FRMD8: variants seen among roughly 807,000 people sequenced by gnomAD.
FRMD8 encodes the protein FERM domain-containing protein 8.
In FRMD8, 37 loss-of-function variants were observed where a neutral mutation model predicts 54.2. That is an observed-to-expected ratio of 0.68 (90% CI 0.53 to 0.90). The LOEUF (loss-of-function observed/expected upper bound fraction) is 0.90, where lower values mean the gene tolerates loss of function less well. Among genes scored for constraint, FRMD8 ranks in the 40% least tolerant of loss-of-function variants. FRMD8 has a pLI of 0.00. For missense variants in FRMD8, 585 were observed against 653.7 expected, an observed-to-expected ratio of 0.89 and a Z score of 1.15; for synonymous variants, 246 against 286.9, an observed-to-expected ratio of 0.86 and a Z score of 1.44.
At chr11:65,386,871 C>T (rs1855742728) in intron 1 of FRMD8, 110 bp downstream of exon 1, 2 of 648,360 alleles carry the variant, frequency 3.1e-6, no homozygotes, top group East Asian at 2.7e-5. Flanking sequence ...GCAACCCGCA[C>T]CCCTCCCACC....
rs547958948 is a variant in FRMD8, at chr11:65,407,697, T to C, written c.1276+2629T>C. On this transcript the variant is annotated intron_variant, in intron 10 of 10. Transcript: ENST00000317568. ...CGAGGTCAGGAGATCGAGACCATCC[T>C]GGCTAACAGGTGAAACCCTGTCTCT... Among the ~76,000 whole-genome samples the C allele has an allele frequency of 1.2e-3, 181 of 151,924 alleles. 2 individuals are homozygous for C. In the Middle Eastern group the frequency reaches 0.024, roughly 20 times the overall value.
intron 3 of FRMD8, among the ~76,000 whole-genome samples, chr11:65,391,758 G>A (rs540212113): frequency 7.2e-5 from 11 of 152,218 alleles, no homozygotes; most frequent in South Asian, 4.1e-4. Flanking sequence ...TGATCCACCC[G>A]CCTCAGCCTC....
intron 6 of FRMD8, among the ~76,000 whole-genome samples, chr11:65,395,893 T>C (rs1180055005): frequency 1.3e-5 from 2 of 152,050 alleles, no homozygotes; most frequent in Non-Finnish European, 2.9e-5. Flanking sequence ...AGGTGGGGGC[T>C]CTTTGTTCGG....
rs1320279078 is a variant in FRMD8, at chr11:65,387,091, C to A, written c.55C>A (p.Arg19=). 1 of 1,607,982 alleles carries A rather than the reference C, an allele frequency of 6.2e-7. No individual in the cohort carries two copies. Among genetic ancestry groups the A allele is most frequent in the Admixed American group, 1.7e-5 (1 of 60,024 alleles). Residue 19 remains arginine, a synonymous_variant, in exon 2 of 11, where the codon CGA becomes AGA. Transcript: ENST00000317568. ...GCCCGGCCCCGCTGAGCGATCCCAC[C>A]GAAGCAGCGTGTCCTCCGTGGGAGC... is the stretch of plus-strand genomic sequence containing the variant. ...GQPGPAERSH[R]SSVSSVGARA...
chr11:65,406,464 G>C (rs1856199730), intron 10 of FRMD8, among the ~76,000 whole-genome samples: 1 of 151,692 alleles, frequency 6.6e-6, no homozygotes, highest in Admixed American at 6.6e-5. Context: ...AAAGTGCTGG[G>C]ATTACAGGTG....
chr11:65,371,358 A>G, the FRMD8 span, among the ~76,000 whole-genome samples: 1 of 152,124 alleles, frequency 6.6e-6, no homozygotes, highest in Non-Finnish European at 1.5e-5. Flanking sequence ...CTAAAAAAAG[A>G]AGTATGACGC....
intron 3 of FRMD8, among the ~76,000 whole-genome samples, chr11:65,390,657 C>T (rs984101360): frequency 1.3e-5 from 2 of 152,252 alleles, no homozygotes; most frequent in East Asian, 3.9e-4. Context: ...CACCTCATGC[C>T]CAGCCTGGTC....
the FRMD8 span, chr11:65,376,514 C>T: frequency 3.1e-6 from 5 of 1,614,100 alleles, no homozygotes; most frequent in Admixed American, 1.7e-5. Flanking sequence ...ACTCCCAGTC[C>T]TTCCTGCCGG....
At chr11:65,406,295 C>T (rs1298547052) in intron 10 of FRMD8, among the ~76,000 whole-genome samples, 4 of 151,532 alleles carry the variant, frequency 2.6e-5, no homozygotes, top group Middle Eastern at 3.4e-3. Context: ...CCTGGGTTCA[C>T]GCCATTCTCC....
the FRMD8 span, chr11:65,376,903 C>T: frequency 2.5e-6 from 4 of 1,613,424 alleles, no homozygotes; most frequent in East Asian, 2.2e-5. Context: ...TGTCCCTCAG[C>T]GTCAGGGCCC....
intron 6 of FRMD8, among the ~76,000 whole-genome samples, chr11:65,395,297 C>G (rs1377543169): frequency 6.6e-6 from 1 of 151,690 alleles, no homozygotes; most frequent in Admixed American, 6.6e-5. Context: ...AATCCCAACA[C>G]TTTGGGAGGC....
At chr11:65,368,508 G>A in the FRMD8 span, among the ~76,000 whole-genome samples, 1 of 152,116 alleles carries the variant, frequency 6.6e-6, no homozygotes, top group Non-Finnish European at 1.5e-5. Flanking sequence ...ATTGCACCCA[G>A]CCAACAACTA....
At chr11:65,376,145 T>A in the FRMD8 span, 1 of 484,116 alleles carries the variant, frequency 2.1e-6, no homozygotes, top group Admixed American at 3.4e-5. Flanking sequence ...ACTTGCCAGC[T>A]CACTTGTGCC....
At chr11:65,407,966 G>A (rs1458108228) in intron 10 of FRMD8, among the ~76,000 whole-genome samples, 23 of 151,758 alleles carry the variant, frequency 1.5e-4, no homozygotes, top group Admixed American at 1.4e-3. Flanking sequence ...AGCTGTGGCC[G>A]TCAGCGGCTG....
At chr11:65,409,877 G>A (rs1260838642) in intron 10 of FRMD8, among the ~76,000 whole-genome samples, 2 of 151,950 alleles carry the variant, frequency 1.3e-5, no homozygotes, top group African/African-American at 2.4e-5. Flanking sequence ...CCAGGAGTTC[G>A]AGATCAGCCT....
At chr11:65,410,885 A>G (rs1856315382) in intron 10 of FRMD8, among the ~76,000 whole-genome samples, 1 of 152,216 alleles carries the variant, frequency 6.6e-6, no homozygotes, top group Admixed American at 6.5e-5. Context: ...CGGTATTGCC[A>G]TTATTAGCCA....
At chr11:65,411,219 T>C (rs370385516) in intron 10 of FRMD8, 23 bp from the exon 11 acceptor site, 913 of 1,585,282 alleles carry the variant, frequency 5.8e-4, no homozygotes, top group Non-Finnish European at 4.9e-4. Context: ...CTCTGCTCAG[T>C]GTGCCCTCCC....
chr11:65,395,764 T>C (rs1316445129), intron 6 of FRMD8, among the ~76,000 whole-genome samples: 2 of 152,170 alleles, frequency 1.3e-5, no homozygotes, highest in East Asian at 3.9e-4. Flanking sequence ...ATTGAGAGCA[T>C]TAAAACCCCT....
chr11:65,408,903 C>T (rs1856268155), intron 10 of FRMD8, among the ~76,000 whole-genome samples: 1 of 151,830 alleles, frequency 6.6e-6, no homozygotes, highest in African/African-American at 2.4e-5. Context: ...GAGCACCGTG[C>T]CTGGCCGATA....
Sources: gnomAD v4.1 joint callset for allele counts (sites outside exome capture counted in the v4.1 genomes callset) on GRCh38, gnomAD v4.1.1 for gene constraint, MANE v1.5 for transcripts, NCBI Gene and HGNC (gene_info 2026-07-23, HGNC 2026-07-21) for gene names.